Variants in FGF12 observed in about 807,000 individuals in gnomAD.
FGF12 encodes fibroblast growth factor 12B.
Under a neutral mutation model 23.6 loss-of-function variants are expected in FGF12, and 14 were observed. That is an observed-to-expected ratio of 0.59 (90% confidence interval 0.39 to 0.93). The LOEUF (loss-of-function observed/expected upper bound fraction) is 0.93. Among genes scored for constraint, FGF12 ranks in the 40% least tolerant of loss-of-function variants. FGF12 has a pLI of 0.00. For synonymous variants in FGF12, 62 were observed against 77.3 expected (o/e 0.80, Z 1.04); for missense variants, 175 against 217.8 (o/e 0.80, Z 1.24).
At chr3:192,149,076 C>A (rs1030509078) in intron 5 of FGF12, among the ~76,000 whole-genome samples, 1 of 152,086 alleles carries the variant, frequency 6.6e-6, no homozygotes. Context: ...ATATATCAGG[C>A]TCAATATGAT....
chr3:192,186,454 TA>T (rs1454010830), intron 4 of FGF12, among the ~76,000 whole-genome samples: 1 of 152,232 alleles, frequency 6.6e-6, no homozygotes, highest in Non-Finnish European at 1.5e-5. Context: ...GTTGTGCACA[TA>T]GTAAGCCTAC....
At chr3:192,156,377 A>G (rs1299963464) in intron 5 of FGF12, among the ~76,000 whole-genome samples, 1 of 152,220 alleles carries the variant, frequency 6.6e-6, no homozygotes, top group Non-Finnish European at 1.5e-5. Context: ...CCTTGGGGCA[A>G]CACTTGTGAT....
chr3:192,378,072 T>TCTTTCTC (rs1274721874), intron 2 of FGF12, among the ~76,000 whole-genome samples: 23 of 119,278 alleles, frequency 1.9e-4, no homozygotes, highest in Non-Finnish European at 3.3e-4. Flanking sequence ...CTTTCTTTCT[T>TCTTTCTC]TCTTTCTTTC....
intron 3 of FGF12, among the ~76,000 whole-genome samples, 195 bp from the exon 4 acceptor site, chr3:192,335,659 T>C (rs957575559): frequency 1.3e-5 from 2 of 152,108 alleles, no homozygotes; most frequent in Non-Finnish European, 2.9e-5. Flanking sequence ...CTATGTAACT[T>C]CAGGTAAATT....
At chr3:192,190,539 G>C (rs1373416800) in intron 4 of FGF12, among the ~76,000 whole-genome samples, 1 of 142,218 alleles carries the variant, frequency 7.0e-6, no homozygotes, top group African/African-American at 2.9e-5. Flanking sequence ...GCAGTGGCGG[G>C]ATCTCGGCTC....
chr3:192,675,126 T>C (rs973744531), intron 2 of FGF12, among the ~76,000 whole-genome samples: 3 of 152,128 alleles, frequency 2.0e-5, no homozygotes, highest in Admixed American at 6.5e-5. Context: ...GAGTAAGTGG[T>C]AGGAGCAAAT....
Position 192,185,258 on chromosome 3 carries a change from C to T in FGF12, c.229-14602G>A, listed in dbSNP as rs78269622. Among the ~76,000 whole-genome samples, 503 of 152,312 alleles carry T rather than the reference C, an allele frequency of 3.3e-3. 8 individuals carry two copies. Among genetic ancestry groups the T allele is most frequent in the East Asian group, 0.032 (163 of 5,170 alleles). ...CAATGATGACATACTATATAGAACT[C>T]ACTTGAGACCCCGGCCTCTGTCTTA... On this transcript the variant is annotated intron_variant, in intron 4 of 5. Transcript: ENST00000445105.
intron 4 of FGF12, among the ~76,000 whole-genome samples, chr3:192,279,230 G>GTGTATATATATATATA (rs1238001381): frequency 7.6e-6 from 1 of 131,922 alleles, no homozygotes; most frequent in African/African-American, 3.1e-5. Flanking sequence ...TAATGTATGA[G>GTGTATATATATATATA]TATATATATA....
intron 2 of FGF12, among the ~76,000 whole-genome samples, chr3:192,719,418 T>G (rs1476927757): frequency 6.6e-6 from 1 of 152,234 alleles, no homozygotes; most frequent in African/African-American, 2.4e-5. Context: ...CATAATCGTT[T>G]GTTTTTTATG....
intron 2 of FGF12, among the ~76,000 whole-genome samples, chr3:192,544,267 C>A (rs140594182): frequency 6.6e-6 from 1 of 152,100 alleles, no homozygotes; most frequent in Non-Finnish European, 1.5e-5. Context: ...GGGATGGGTA[C>A]TGTTGGCAAT....
rs75144673 is a variant in FGF12, at chr3:192,570,227, C to G, written c.13+156954G>C. ...GCTGTGTTTGTTTGCTTTTGTTTTC[C>G]ATGGGGGGGAGGGCCATAGGTGGTT... On this transcript the variant is annotated intron_variant, in intron 2 of 5. Transcript: ENST00000445105. Among the ~76,000 whole-genome samples, 952 of 152,168 alleles carry G rather than the reference C, an allele frequency of 6.3e-3. 6 individuals are homozygous for G. Among genetic ancestry groups the G allele is most frequent in the African/African-American group, 0.022 (893 of 41,512 alleles).
chr3:192,220,507 C>G (rs796513969), intron 4 of FGF12, among the ~76,000 whole-genome samples: 2 of 152,292 alleles, frequency 1.3e-5, no homozygotes, highest in South Asian at 4.1e-4. Context: ...CCATTTCCTT[C>G]TGAAGCCTTC....
At chr3:192,567,392 T>C (rs894145813) in intron 2 of FGF12, among the ~76,000 whole-genome samples, 1 of 152,172 alleles carries the variant, frequency 6.6e-6, no homozygotes, top group Admixed American at 6.5e-5. Flanking sequence ...AAGGGCTTTA[T>C]TTTTTTAAGT....
chr3:192,714,102 ATACT>A (rs1304801016), intron 2 of FGF12, among the ~76,000 whole-genome samples: 5 of 152,208 alleles, frequency 3.3e-5, no homozygotes, highest in Non-Finnish European at 7.3e-5. Context: ...AGTGTGGTAA[ATACT>A]TACACTATCT....
intron 2 of FGF12, among the ~76,000 whole-genome samples, chr3:192,647,686 T>C (rs1716055149): frequency 6.8e-6 from 1 of 147,320 alleles, no homozygotes; most frequent in Non-Finnish European, 1.5e-5. Flanking sequence ...CATATATACA[T>C]ATATATGTAT....
chr3:192,702,956 T>C (rs1718349116), intron 2 of FGF12, among the ~76,000 whole-genome samples: 1 of 152,164 alleles, frequency 6.6e-6, no homozygotes, highest in Non-Finnish European at 1.5e-5. Flanking sequence ...GCTTTGAGAG[T>C]TGCAGGAGAT....
At chr3:192,254,820 G>A (rs780403174) in intron 4 of FGF12, among the ~76,000 whole-genome samples, 1 of 152,046 alleles carries the variant, frequency 6.6e-6, no homozygotes, top group African/African-American at 2.4e-5. Flanking sequence ...AGTTAAAAGT[G>A]TGTTTATATA....
chr3:192,527,934 GGA>G (rs10576387), intron 2 of FGF12, among the ~76,000 whole-genome samples: 137,720 of 151,928 alleles, frequency 0.91, 62,418 homozygotes, highest in African/African-American at 0.92. Flanking sequence ...GAATAGCGCA[GGA>G]GAAAGACCCA....
At chr3:192,643,435 C>T (rs1452925896) in intron 2 of FGF12, among the ~76,000 whole-genome samples, 2 of 152,200 alleles carry the variant, frequency 1.3e-5, no homozygotes, top group South Asian at 2.1e-4. Context: ...GTGAATGTAT[C>T]TGCAATCTGG....
Sources: gnomAD v4.1 joint callset for allele counts (sites outside exome capture counted in the v4.1 genomes callset) on GRCh38, gnomAD v4.1.1 for gene constraint, MANE v1.5 for transcripts, NCBI Gene and HGNC (gene_info 2026-07-23, HGNC 2026-07-21) for gene names.